ADAMTSL1: variants seen among roughly 807,000 people sequenced by gnomAD.
ADAMTSL1 encodes the protein ADAMTS like 1.
ADAMTSL1 carries 126 observed loss-of-function variants against 201.8 expected under a neutral mutation model. The observed-to-expected ratio is 0.62, with a 90% CI of 0.54 to 0.72. The LOEUF (loss-of-function observed/expected upper bound fraction) is 0.72, where lower values mean the gene tolerates loss of function less well. Among genes scored for constraint, ADAMTSL1 ranks in the 30% least tolerant of loss-of-function variants. ADAMTSL1 has a pLI of 0.00. For missense variants in ADAMTSL1, 2,679 were observed against 2,277.8 expected, an observed-to-expected ratio of 1.18 and a Z score of -3.59; for synonymous variants, 1,121 against 903.4, an observed-to-expected ratio of 1.24 and a Z score of -4.32.
chr9:18,843,693 T>C (rs1356889254), intron 23 of ADAMTSL1, among the ~76,000 whole-genome samples: 1 of 150,982 alleles, frequency 6.6e-6, no homozygotes, highest in African/African-American at 2.5e-5. Flanking sequence ...AGATGTGGTC[T>C]TTTCACATAG....
At chr9:18,315,243 C>T (rs1028158423) in intron 2 of ADAMTSL1, among the ~76,000 whole-genome samples, 31 of 152,146 alleles carry the variant, frequency 2.0e-4, no homozygotes, top group Non-Finnish European at 3.8e-4. Context: ...CTGACTGGTG[C>T]ATTTACAATC....
chr9:18,225,815 T>C lies in ADAMTSL1; in HGVS notation c.207+61834T>C, dbSNP rs1170384485. Among the ~76,000 whole-genome samples the C allele has an allele frequency of 2.6e-5, 4 of 152,294 alleles. No individual in the cohort carries two copies. In the East Asian group the frequency reaches 7.7e-4, roughly 29 times the overall value. On this transcript the variant is annotated intron_variant, in intron 2 of 29. Coordinates refer to the ADAMTSL1 transcript ENST00000680146. The stretch of plus-strand genomic sequence containing the variant: ...GCAGTAATTATTGTTTCATATACTC[T>C]AATTAAAATTCCTGCATACTTATCT...
At chr9:18,315,239 G>A (rs1016463634) in intron 2 of ADAMTSL1, among the ~76,000 whole-genome samples, 5 of 152,104 alleles carry the variant, frequency 3.3e-5, no homozygotes, top group African/African-American at 9.7e-5. Context: ...AGTGCTGACT[G>A]GTGCATTTAC....
chr9:18,739,852 G>A (rs1818715421), intron 15 of ADAMTSL1, among the ~76,000 whole-genome samples: 1 of 151,952 alleles, frequency 6.6e-6, no homozygotes, highest in Non-Finnish European at 1.5e-5. Flanking sequence ...TCACGCATAT[G>A]CATGTGTATC....
chr9:18,265,371 A>G (rs1018549778), intron 2 of ADAMTSL1, among the ~76,000 whole-genome samples: 2 of 152,048 alleles, frequency 1.3e-5, no homozygotes, highest in South Asian at 2.1e-4. Flanking sequence ...AGTGCTTCCT[A>G]TCTATTCCTC....
At chr9:18,845,133 C>G (rs1005805010) in intron 23 of ADAMTSL1, among the ~76,000 whole-genome samples, 1 of 152,204 alleles carries the variant, frequency 6.6e-6, no homozygotes, top group Non-Finnish European at 1.5e-5. Context: ...TTCTGCATTG[C>G]TCACCCTGGG....
At chr9:18,170,388 T>G (rs866870375) in intron 2 of ADAMTSL1, among the ~76,000 whole-genome samples, 54 of 152,158 alleles carry the variant, frequency 3.5e-4, no homozygotes, top group Admixed American at 5.9e-4. Context: ...TATCTACATT[T>G]GGCAATATAG....
chr9:18,384,984 GTGTCCACTC>G (rs926121520), intron 2 of ADAMTSL1, among the ~76,000 whole-genome samples: 18 of 152,000 alleles, frequency 1.2e-4, no homozygotes, highest in Non-Finnish European at 2.5e-4. Flanking sequence ...CCAATATTTT[GTGTCCACTC>G]AGTAATACAC....
chr9:18,280,873 CTTTT>C (rs138455491), intron 2 of ADAMTSL1, among the ~76,000 whole-genome samples: 96 of 131,828 alleles, frequency 7.3e-4, no homozygotes, highest in Non-Finnish European at 1.4e-3. Context: ...CTGCATTCCG[CTTTT>C]TTTTTTTTTT....
intron 2 of ADAMTSL1, among the ~76,000 whole-genome samples, chr9:18,234,828 T>A (rs994473564): frequency 1.3e-5 from 2 of 152,220 alleles, no homozygotes; most frequent in Non-Finnish European, 2.9e-5. Flanking sequence ...CTATTAAAAG[T>A]ATCCAATACC....
chr9:18,480,321 G>A (rs1011314433), intron 1 of ADAMTSL1, among the ~76,000 whole-genome samples: 16 of 152,062 alleles, frequency 1.1e-4, no homozygotes, highest in Non-Finnish European at 1.9e-4. Context: ...GTACTATATG[G>A]CACTTGTAGG....
At chr9:18,890,778 T>C (rs932664113) in intron 25 of ADAMTSL1, 3 of 349,344 alleles carry the variant, frequency 8.6e-6, no homozygotes, top group African/African-American at 6.5e-5. Flanking sequence ...AAATAAAAGT[T>C]GATGGAAATG....
At chr9:18,685,952 T>C (rs2133206356) in intron 13 of ADAMTSL1, among the ~76,000 whole-genome samples, 1 of 151,746 alleles carries the variant, frequency 6.6e-6, no homozygotes, top group South Asian at 2.1e-4. Flanking sequence ...AGGGTCTCAC[T>C]CTGTCACCCG....
chr9:18,776,434 G>A (rs1563789775), intron 18 of ADAMTSL1, among the ~76,000 whole-genome samples: 2 of 152,016 alleles, frequency 1.3e-5, no homozygotes, highest in South Asian at 2.1e-4. Flanking sequence ...GCTTTCCCCC[G>A]GGATCCCCCT....
chr9:18,542,864 A>C (rs940897926), intron 3 of ADAMTSL1, among the ~76,000 whole-genome samples: 1 of 152,212 alleles, frequency 6.6e-6, no homozygotes, highest in African/African-American at 2.4e-5. Flanking sequence ...TCCAAAGATC[A>C]GCCTTATTCT....
At chr9:18,507,992 C>T (rs1190187851) in intron 2 of ADAMTSL1, among the ~76,000 whole-genome samples, 2 of 152,070 alleles carry the variant, frequency 1.3e-5, no homozygotes. Flanking sequence ...CAAGACAAGC[C>T]TGGCCAATAT....
chr9:18,456,342 C>G (rs1820602279), intron 2 of ADAMTSL1, among the ~76,000 whole-genome samples: 1 of 152,204 alleles, frequency 6.6e-6, no homozygotes, highest in African/African-American at 2.4e-5. Context: ...CAGCCTCCTC[C>G]TGCCACACTG....
intron 1 of ADAMTSL1, among the ~76,000 whole-genome samples, chr9:17,984,724 C>A (rs1211444363): frequency 1.3e-5 from 2 of 152,032 alleles, no homozygotes; most frequent in Non-Finnish European, 2.9e-5. Flanking sequence ...GAGAAATAAA[C>A]CTATTCTTTT....
At chr9:18,104,633 G>C (rs1031976524) in intron 1 of ADAMTSL1, among the ~76,000 whole-genome samples, 1 of 152,068 alleles carries the variant, frequency 6.6e-6, no homozygotes, top group Non-Finnish European at 1.5e-5. Context: ...ATTACCTGTT[G>C]GGTTCAATAT....
Sources: gnomAD v4.1 joint callset for allele counts (sites outside exome capture counted in the v4.1 genomes callset) on GRCh38, gnomAD v4.1.1 for gene constraint, MANE v1.5 for transcripts, NCBI Gene and HGNC (gene_info 2026-07-23, HGNC 2026-07-21) for gene names.